UNC80: variants seen among roughly 807,000 people sequenced by gnomAD.
UNC80 encodes the protein protein unc-80 homolog.
UNC80 carries 164 observed loss-of-function variants against 384.6 expected under a neutral mutation model. The ratio of observed to expected loss-of-function variants is 0.43; its 90% CI spans 0.38 to 0.49. The LOEUF is 0.49. UNC80 is among the 20% of genes least tolerant of loss of function. The probability of loss-of-function intolerance (pLI) is 0.00; values close to 1 mark genes in which losing one functional copy is unlikely to be tolerated. For missense variants in UNC80, 3,330 were observed against 4,143.0 expected, an observed-to-expected ratio of 0.80 and a Z score of 5.39; for synonymous variants, 1,486 against 1,527.8, an observed-to-expected ratio of 0.97 and a Z score of 0.64.
intron 42 of UNC80, among the ~76,000 whole-genome samples, chr2:209,939,197 G>T (rs1020260942): frequency 1.3e-5 from 2 of 152,066 alleles, no homozygotes; most frequent in African/African-American, 4.8e-5. Flanking sequence ...AACTAATCTT[G>T]ACAATGCTTG....
intron 64 of UNC80, among the ~76,000 whole-genome samples, chr2:209,995,101 C>T (rs1170849195): frequency 6.6e-6 from 1 of 152,182 alleles, no homozygotes; most frequent in African/African-American, 2.4e-5. Context: ...TTGATCCTCA[C>T]AGTCTACAAG....
At chr2:209,880,854 T>G in intron 24 of UNC80, 107 bp from the exon 25 acceptor site, 1 of 1,080,882 alleles carries the variant, frequency 9.3e-7, no homozygotes. Flanking sequence ...GGTAACATTC[T>G]CATATGCAAT....
chr2:209,841,855 A>T (rs2081782525), intron 20 of UNC80, among the ~76,000 whole-genome samples: 1 of 152,210 alleles, frequency 6.6e-6, no homozygotes, highest in Non-Finnish European at 1.5e-5. Context: ...GCTGAGCTAA[A>T]AGCAAGATGA....
intron 25 of UNC80, among the ~76,000 whole-genome samples, chr2:209,882,855 T>C (rs943139815): frequency 6.6e-6 from 1 of 152,246 alleles, no homozygotes; most frequent in African/African-American, 2.4e-5. Context: ...CTATCAATTC[T>C]ATAAAACTAG....
At chr2:209,912,309 A>G (rs1030774760) in intron 29 of UNC80, among the ~76,000 whole-genome samples, 1 of 152,210 alleles carries the variant, frequency 6.6e-6, no homozygotes, top group Non-Finnish European at 1.5e-5. Context: ...CCACCTCTCC[A>G]GATCCCAGTT....
chr2:209,903,108 T>C (rs1410791813), intron 28 of UNC80, among the ~76,000 whole-genome samples: 2 of 151,830 alleles, frequency 1.3e-5, no homozygotes, highest in Admixed American at 1.3e-4. Flanking sequence ...TTATAATACC[T>C]AATACAATGT....
chr2:209,952,932 A>G (rs563082862), intron 47 of UNC80, among the ~76,000 whole-genome samples: 6 of 152,174 alleles, frequency 3.9e-5, no homozygotes, highest in Non-Finnish European at 7.3e-5. Flanking sequence ...TAGAGCACAT[A>G]TTATAGGCAA....
intron 35 of UNC80, among the ~76,000 whole-genome samples, chr2:209,924,398 G>T (rs988821982): frequency 1.3e-5 from 2 of 152,186 alleles, no homozygotes; most frequent in Admixed American, 6.5e-5. Flanking sequence ...GTAATGATTA[G>T]ACAGAGATTT....
At chr2:209,948,447 T>C (rs905899862) in intron 47 of UNC80, among the ~76,000 whole-genome samples, 1 of 152,192 alleles carries the variant, frequency 6.6e-6, no homozygotes, top group African/African-American at 2.4e-5. Context: ...GCTTTTCAGA[T>C]AAATGTTTAT....
intron 62 of UNC80, 111 bp from the exon 63 acceptor site, chr2:209,993,204 A>T (rs1207290528): frequency 2.5e-6 from 2 of 792,088 alleles, no homozygotes; most frequent in Non-Finnish European, 3.9e-6. Context: ...TTTATCAGCT[A>T]TAAATGTAAG....
intron 20 of UNC80, 149 bp downstream of exon 20, chr2:209,840,797 A>T: frequency 1.6e-6 from 1 of 642,364 alleles, no homozygotes; most frequent in East Asian, 2.7e-5. Flanking sequence ...TTAGATAAGC[A>T]ATGGAAACTA....
At chr2:209,860,065 T>C (rs1238349994) in intron 22 of UNC80, among the ~76,000 whole-genome samples, 3 of 152,238 alleles carry the variant, frequency 2.0e-5, no homozygotes, top group Non-Finnish European at 4.4e-5. Flanking sequence ...TTTGTTGCAA[T>C]TGCTTTTGGC....
chr2:209,916,055 A>G (rs190608873), intron 31 of UNC80, among the ~76,000 whole-genome samples: 20 of 152,326 alleles, frequency 1.3e-4, no homozygotes. Context: ...AAGAAATAGT[A>G]ATTTTTAGAT....
At chr2:209,970,725 A>G (rs1179301900) in intron 53 of UNC80, 107 bp from the exon 54 acceptor site, 1 of 1,357,406 alleles carries the variant, frequency 7.4e-7, no homozygotes, top group Non-Finnish European at 9.9e-7. Context: ...TAACATGTCC[A>G]ACCTTCAATT....
chr2:209,815,001 T>C (rs2079630438), intron 8 of UNC80, among the ~76,000 whole-genome samples: 1 of 152,048 alleles, frequency 6.6e-6, no homozygotes, highest in African/African-American at 2.4e-5. Context: ...AGATCCATCT[T>C]CTCTCTATTT....
At position 209,819,064 on chromosome 2, in the gene UNC80, G is replaced by A; in HGVS notation, c.1765G>A (p.Ala589Thr). 6.4e-7 allele frequency: 1 copy of A among 1,551,946 alleles called. No individual in the cohort carries two copies. Residue 589 changes from alanine (A) to threonine (T), a missense_variant, in exon 12 of 65, where the codon GCA becomes ACA. Transcript: ENST00000673920. Reference sequence around the variant, plus strand: ...TTTGGCGTCATTCAACGTAGGCTATGCAGACTTTTTCAATGAGCATATGAG... The same window carrying A: ...TTTGGCGTCATTCAACGTAGGCTATACAGACTTTTTCAATGAGCATATGAG... ...TTLASFNVGYADFFNEHMRKL... is the reference protein window; with the variant it reads ...TTLASFNVGYTDFFNEHMRKL...
At chr2:209,900,500 C>T (rs2087275994) in intron 28 of UNC80, among the ~76,000 whole-genome samples, 1 of 152,246 alleles carries the variant, frequency 6.6e-6, no homozygotes, top group Middle Eastern at 3.4e-3. Flanking sequence ...GCTCCATGGA[C>T]CAGCTGCTTC....
intron 39 of UNC80, 109 bp downstream of exon 39, chr2:209,934,114 C>A: frequency 9.2e-7 from 1 of 1,091,218 alleles, no homozygotes; most frequent in Non-Finnish European, 1.3e-6. Context: ...AGAGTTCTAA[C>A]CCCCAGTATT....
chr2:209,979,739 T>G (rs2093111328), intron 59 of UNC80, among the ~76,000 whole-genome samples: 1 of 152,210 alleles, frequency 6.6e-6, no homozygotes, highest in Non-Finnish European at 1.5e-5. Flanking sequence ...ACTTGTGTGT[T>G]AAGATACTCT....
Sources: gnomAD v4.1 joint callset for allele counts (sites outside exome capture counted in the v4.1 genomes callset) on GRCh38, gnomAD v4.1.1 for gene constraint, MANE v1.5 for transcripts, NCBI Gene and HGNC (gene_info 2026-07-23, HGNC 2026-07-21) for gene names.